The following XYLB variants were observed in gnomAD, a reference collection of about 807,000 sequenced individuals.
XYLB encodes the protein xylulose kinase.
A neutral mutation model predicts 78.7 loss-of-function variants in XYLB; 62 were observed. That is an observed-to-expected ratio of 0.79 (90% CI 0.64 to 0.97). The LOEUF (loss-of-function observed/expected upper bound fraction) is 0.97. Ranked by LOEUF, XYLB falls within the 50% of genes least tolerant of loss-of-function variation. The pLI is 0.00. For synonymous variants in XYLB, 245 were observed against 247.4 expected (o/e 0.99, Z 0.09); for missense variants, 687 against 676.8 (o/e 1.02, Z -0.17).
chr3:38,351,376 G>A (rs546465183), intron 2 of XYLB, among the ~76,000 whole-genome samples: 22 of 151,584 alleles, frequency 1.5e-4, no homozygotes, highest in South Asian at 6.3e-4. Context: ...CTCTCCACTG[G>A]ACATTTAAAA....
At chr3:38,350,235 C>T (rs1017984408) in intron 2 of XYLB, among the ~76,000 whole-genome samples, 9 of 152,198 alleles carry the variant, frequency 5.9e-5, no homozygotes, top group Non-Finnish European at 1.2e-4. Flanking sequence ...CCCATGGAGC[C>T]GAGGTTAGAA....
At chr3:38,386,003 T>C (rs895718961) in intron 15 of XYLB, among the ~76,000 whole-genome samples, 1 of 152,234 alleles carries the variant, frequency 6.6e-6, no homozygotes, top group African/African-American at 2.4e-5. Flanking sequence ...TACCTTTCTA[T>C]TTGTCTGTCT....
At chr3:38,375,746 G>A (rs1454044838) in intron 12 of XYLB, among the ~76,000 whole-genome samples, 1 of 152,156 alleles carries the variant, frequency 6.6e-6, no homozygotes. Context: ...GAGGGAAATG[G>A]TTTCTGAGCT....
At chr3:38,368,080 C>G in intron 7 of XYLB, 105 bp from the exon 8 acceptor site, 3 of 1,087,896 alleles carry the variant, frequency 2.8e-6, no homozygotes, top group South Asian at 1.4e-5. Flanking sequence ...TCAAAGTTTC[C>G]ACTTCCCTCT....
At chr3:38,415,776 T>A (rs911962439), downstream of XYLB, among the ~76,000 whole-genome samples, 1 of 151,988 alleles carries the variant, frequency 6.6e-6, no homozygotes, top group Middle Eastern at 3.2e-3. Context: ...TGAGACTCTG[T>A]CTCAAAAAAA....
At chr3:38,355,609 G>A (rs969479334) in intron 2 of XYLB, 3 of 610,442 alleles carry the variant, frequency 4.9e-6, no homozygotes, top group Non-Finnish European at 8.9e-6. Context: ...CTTCCTTGTA[G>A]TTATGTTCAG....
chr3:38,388,169 G>GTTTTGTTTTTTTTTT (rs777492111), intron 15 of XYLB, among the ~76,000 whole-genome samples: 3 of 109,328 alleles, frequency 2.7e-5, no homozygotes, highest in Non-Finnish European at 3.9e-5. Context: ...GTTTTTTTTT[G>GTTTTGTTTTTTTTTT]TTTTTTTTTT....
At chr3:38,412,606 G>A (rs1046732020) in intron 18 of XYLB, among the ~76,000 whole-genome samples, 1 of 152,160 alleles carries the variant, frequency 6.6e-6, no homozygotes, top group Non-Finnish European at 1.5e-5. Flanking sequence ...ATAAAGTCAA[G>A]TCTATTTCCC....
At chr3:38,449,429 ATTTATT>A in the XYLB span, among the ~76,000 whole-genome samples, 1 of 152,134 alleles carries the variant, frequency 6.6e-6, no homozygotes, top group Admixed American at 6.5e-5. Context: ...CCTTATTTTT[ATTTATT>A]TTTAACAAAC....
intron 18 of XYLB, among the ~76,000 whole-genome samples, chr3:38,410,008 T>G: frequency 6.6e-6 from 1 of 152,192 alleles, no homozygotes; most frequent in Non-Finnish European, 1.5e-5. Flanking sequence ...ACCAATGACT[T>G]TCTTCACAGA....
At chr3:38,410,066 G>T (rs1487017010) in intron 18 of XYLB, among the ~76,000 whole-genome samples, 1 of 151,094 alleles carries the variant, frequency 6.6e-6, no homozygotes, top group South Asian at 2.1e-4. Flanking sequence ...AAAAGAGCCC[G>T]CATCGCCAAG....
downstream of XYLB, among the ~76,000 whole-genome samples, chr3:38,422,995 G>A (rs888271657): frequency 2.3e-4 from 35 of 152,094 alleles, no homozygotes; most frequent in African/African-American, 8.2e-4. Context: ...GGCTTTAGAG[G>A]TCTTAGTTAC....
At chr3:38,379,814 G>A (rs182282383) in intron 15 of XYLB, among the ~76,000 whole-genome samples, 39 of 152,296 alleles carry the variant, frequency 2.6e-4, no homozygotes, top group Non-Finnish European at 4.9e-4. Context: ...GTCAAAACTC[G>A]GAAGACTGAT....
chr3:38,378,617 C>T (rs550439730), intron 14 of XYLB, among the ~76,000 whole-genome samples: 1 of 152,102 alleles, frequency 6.6e-6, no homozygotes, highest in Admixed American at 6.6e-5. Context: ...GATAGACTTT[C>T]AGGCAGAGGG....
chr3:38,411,949 G>A (rs1051321406), intron 18 of XYLB, among the ~76,000 whole-genome samples: 1 of 151,096 alleles, frequency 6.6e-6, no homozygotes, highest in African/African-American at 2.4e-5. Context: ...TGAAGCCAGG[G>A]TCATTCTTTT....
At chr3:38,390,408 T>A (rs1168752666) in intron 15 of XYLB, among the ~76,000 whole-genome samples, 1 of 152,062 alleles carries the variant, frequency 6.6e-6, no homozygotes. Context: ...GAGACGGGGT[T>A]TCACCATATT....
chr3:38,449,211 C>T, the XYLB span, among the ~76,000 whole-genome samples: 2 of 152,186 alleles, frequency 1.3e-5, no homozygotes, highest in African/African-American at 4.8e-5. Flanking sequence ...CAACCTCCAC[C>T]TCCTGGGTTC....
At chr3:38,417,252 A>C (rs903254310), downstream of XYLB, among the ~76,000 whole-genome samples, 3 of 152,212 alleles carry the variant, frequency 2.0e-5, no homozygotes, top group East Asian at 3.9e-4. Flanking sequence ...CTTGGGCAAC[A>C]TGGTGAAACC....
chr3:38,346,792 G>A lies in XYLB; in HGVS notation c.-77G>A. On this transcript the variant is annotated 5_prime_UTR_variant, in exon 1 of 19. Coordinates refer to ENST00000207870, the MANE Select transcript of XYLB (RefSeq NM_005108.4). ...CTAGGGGCGGGCCCCTGCGTCTCTG[G>A]GCGCTGGAGCGCGGCGACTATCACG... The A allele has an allele frequency of 1.4e-6, 2 of 1,406,512 alleles. No homozygotes were observed. The highest frequency in any genetic ancestry group is 1.9e-6 in the Non-Finnish European group (2 of 1,070,412). The allele number at this position is 1,406,512 out of a possible 1,614,324, so 87.1% of individuals were successfully genotyped here.
Sources: allele counts gnomAD v4.1 joint callset (sites outside exome capture counted in the v4.1 genomes callset), GRCh38; gene constraint gnomAD v4.1.1; transcripts MANE v1.5; gene names NCBI Gene and HGNC (gene_info 2026-07-23, HGNC 2026-07-21).